Variants in FGD4 observed in about 807,000 individuals in gnomAD.
FGD4 encodes the protein FYVE, RhoGEF and PH domain-containing protein 4.
FGD4 carries 42 observed loss-of-function variants against 102.0 expected under a neutral mutation model. That is an observed-to-expected ratio of 0.41 (90% CI 0.32 to 0.53). FGD4 has a LOEUF of 0.53. Ranked by LOEUF, FGD4 falls within the 20% of genes least tolerant of loss-of-function variation. The pLI, the probability that FGD4 is intolerant of heterozygous loss-of-function variation, is 0.21. For synonymous variants in FGD4, 380 were observed against 375.7 expected (o/e 1.01, Z -0.13); for missense variants, 902 against 1,078.2 (o/e 0.84, Z 2.29).
rs1940565867 is a variant in FGD4 at position 32,399,712 on chromosome 12, CA to C, written c.-81del. The C allele has an allele frequency of 6.7e-7, 1 of 1,489,538 alleles. No homozygotes were observed. Among genetic ancestry groups the C allele is most frequent in the African/African-American group, 1.5e-5 (1 of 68,574 alleles). 92.3% of individuals were successfully genotyped at this position (1,489,538 alleles called of 1,614,324 possible). On this transcript the variant is annotated 5_prime_UTR_variant, in exon 1 of 17. It removes an upstream start codon present in the reference 5' UTR. Transcript: ENST00000534526. ...CCCCCGGAGTCGCGCCGAACCTGGG[CA>C]TGCAGGCGACGCCCCCCAGGGGCCG...
intron 1 of FGD4, among the ~76,000 whole-genome samples, chr12:32,493,971 A>G (rs1045009826): frequency 6.6e-6 from 1 of 152,220 alleles, no homozygotes; most frequent in Non-Finnish European, 1.5e-5. Flanking sequence ...AAGATCTGGA[A>G]GAAAATGTCT....
At chr12:32,638,217 C>T (rs1950961605) in intron 15 of FGD4, among the ~76,000 whole-genome samples, 2 of 152,128 alleles carry the variant, frequency 1.3e-5, no homozygotes, top group Admixed American at 1.3e-4. Flanking sequence ...TAAAAATTCT[C>T]TCCCAGCTAC....
chr12:32,546,826 G>C (rs1012458544), intron 1 of FGD4, among the ~76,000 whole-genome samples: 4 of 152,212 alleles, frequency 2.6e-5, no homozygotes, highest in African/African-American at 9.7e-5. Flanking sequence ...AGAAGGTCAG[G>C]AGTGTGCAGA....
intron 1 of FGD4, among the ~76,000 whole-genome samples, chr12:32,426,945 TCTTC>T (rs1478644296): frequency 7.6e-6 from 1 of 131,586 alleles, no homozygotes; most frequent in Non-Finnish European, 1.6e-5. Flanking sequence ...TCTATCTGAT[TCTTC>T]TTTCTTTTCT....
intron 1 of FGD4, among the ~76,000 whole-genome samples, chr12:32,480,842 T>C (rs1049778686): frequency 1.3e-5 from 2 of 151,082 alleles, no homozygotes; most frequent in African/African-American, 4.9e-5. Context: ...CTTGCTCTAT[T>C]GCCCAGGCTG....
chr12:32,585,717 C>T (rs1234183619), intron 4 of FGD4, among the ~76,000 whole-genome samples: 1 of 151,358 alleles, frequency 6.6e-6, no homozygotes, highest in Non-Finnish European at 1.5e-5. Context: ...GCCTGTAGTC[C>T]CAGCTACTCG....
At chr12:32,510,496 A>G (rs1939247887) in intron 1 of FGD4, among the ~76,000 whole-genome samples, 1 of 152,186 alleles carries the variant, frequency 6.6e-6, no homozygotes, top group South Asian at 2.1e-4. Flanking sequence ...AAGATTTTAA[A>G]TAATGAACAA....
chr12:32,628,852 T>C (rs1245389864), intron 14 of FGD4, among the ~76,000 whole-genome samples: 2 of 152,156 alleles, frequency 1.3e-5, no homozygotes, highest in Non-Finnish European at 2.9e-5. Context: ...GAGCTGGGCC[T>C]TTTCCTGGGA....
chr12:32,551,399 T>C (rs1282239407), intron 1 of FGD4, among the ~76,000 whole-genome samples: 3 of 152,220 alleles, frequency 2.0e-5, no homozygotes, highest in Non-Finnish European at 2.9e-5. Flanking sequence ...CACTAGAATT[T>C]AATACTTGAA....
chr12:32,417,491 T>G (rs1941464893), intron 1 of FGD4, among the ~76,000 whole-genome samples: 1 of 152,034 alleles, frequency 6.6e-6, no homozygotes, highest in Admixed American at 6.6e-5. Context: ...AGAGTCTCAC[T>G]CTGTCACCCA....
chr12:32,643,429 G>GA lies in FGD4; in HGVS notation c.*2898dup, dbSNP rs1235449472. On this transcript the variant is annotated 3_prime_UTR_variant, in exon 17 of 17. Transcript: ENST00000534526. The stretch of plus-strand genomic sequence containing the variant: ...TGCAGAGTATAAGGAAGGGAAATGG[G>GA]AAGGGGCATCATTCCTTGGATTTTA... 2.0e-5 allele frequency: 3 copies of GA among 151,856 alleles called. No homozygotes were observed. Among genetic ancestry groups the GA allele is most frequent in the Non-Finnish European group, 3.0e-5 (2 of 67,770 alleles). The allele number at this position is 151,856 out of a possible 1,614,324, so 9.4% of individuals were successfully genotyped here.
rs60786078 is a variant in FGD4 at position 32,521,372 on chromosome 12, CA to C, written c.167-42747del. 5.1e-3 allele frequency among the ~76,000 whole-genome samples: 482 copies of C among 93,938 alleles called. 2 individuals are homozygous for C. The highest frequency in any genetic ancestry group is 0.013 in the African/African-American group (311 of 24,010). The allele number at this position is 93,938 out of a possible 152,430, so 61.6% of individuals were successfully genotyped here. On this transcript the variant is annotated intron_variant, in intron 1 of 16. Coordinates refer to ENST00000534526, the MANE Select transcript of FGD4 (RefSeq NM_001370298.3). ...GCCTGGCGACGGCGAGACTCCGTCT[CA>C]AAAAAAAAAAAAAAAAAGGACATTG...
intron 1 of FGD4, among the ~76,000 whole-genome samples, chr12:32,551,200 G>T (rs2136192641): frequency 6.6e-6 from 1 of 152,316 alleles, no homozygotes; most frequent in South Asian, 2.1e-4. Flanking sequence ...AGGCAGTAGT[G>T]AGGGCAAATA....
At position 32,399,805 on chromosome 12, in the gene FGD4, G is replaced by A; in HGVS notation, c.12G>A (p.Glu4=). 2 of 1,531,024 alleles carry A rather than the reference G, an allele frequency of 1.3e-6. No individual in the cohort carries two copies. Among genetic ancestry groups the A allele is most frequent in the Non-Finnish European group, 1.7e-6 (2 of 1,145,318 alleles). The allele number at this position is 1,531,024 out of a possible 1,614,324, so 94.8% of individuals were successfully genotyped here. The change falls in exon 1 of 17, where the codon GAG becomes GAA. Residue 4 remains glutamate, a synonymous_variant. Transcript: ENST00000534526. ...TCGAGCCCGGCAGGATGAGCGACGA[G>A]GGCGGCTCCAACTTCAGGCGGGTGG... The part of the protein sequence containing the change: MSD[E]GGSNFRRVAI...
chr12:32,399,602 A>T lies in FGD4; in HGVS notation c.-192A>T. 7.3e-7 allele frequency: 1 copy of T among 1,376,562 alleles called. No individual in the cohort carries two copies. The highest frequency in any genetic ancestry group is 1.6e-5 in the South Asian group (1 of 64,190). 85.3% of individuals were successfully genotyped at this position (1,376,562 alleles called of 1,614,324 possible). On this transcript the variant is annotated 5_prime_UTR_variant, in exon 1 of 17. Coordinates refer to ENST00000534526, the MANE Select transcript of FGD4 (RefSeq NM_001370298.3). ...GACTGCCGCAGGAGTCGCCGCAGCC[A>T]AACTCGCCGCGACGCCGGGAGGGAG... is the stretch of plus-strand genomic sequence containing the variant.
chr12:32,457,118 G>A (rs1942968905), intron 1 of FGD4, among the ~76,000 whole-genome samples: 1 of 152,088 alleles, frequency 6.6e-6, no homozygotes, highest in African/African-American at 2.4e-5. Flanking sequence ...GCAGAATAAG[G>A]CTTCTATCCT....
intron 1 of FGD4, among the ~76,000 whole-genome samples, chr12:32,488,836 G>C (rs571215849): frequency 8.7e-4 from 132 of 152,294 alleles, no homozygotes; most frequent in African/African-American, 3.1e-3. Context: ...CTACTCGGGA[G>C]GCTGAGGCAG....
At chr12:32,495,662 C>CTCCA (rs955874174) in intron 1 of FGD4, among the ~76,000 whole-genome samples, 4 of 143,058 alleles carry the variant, frequency 2.8e-5, no homozygotes, top group African/African-American at 1.1e-4. Flanking sequence ...CACCACTGCA[C>CTCCA]TCCAGCCTGG....
At chr12:32,612,771 A>G (rs1949225764) in intron 10 of FGD4, among the ~76,000 whole-genome samples, 1 of 152,166 alleles carries the variant, frequency 6.6e-6, no homozygotes, top group African/African-American at 2.4e-5. Context: ...TCTTGTGTCT[A>G]AAATATCTAT....
Sources: gnomAD v4.1 joint callset for allele counts (sites outside exome capture counted in the v4.1 genomes callset) on GRCh38, gnomAD v4.1.1 for gene constraint, MANE v1.5 for transcripts, NCBI Gene and HGNC (gene_info 2026-07-23, HGNC 2026-07-21) for gene names.